Variants in SCAPER observed in about 807,000 individuals in gnomAD.
SCAPER encodes S-phase cyclin A associated protein in the ER, also known as S phase cyclin A-associated protein in the endoplasmic reticulum.
SCAPER carries 98 observed loss-of-function variants against 182.2 expected under a neutral mutation model. The ratio of observed to expected loss-of-function variants is 0.54; its 90% CI spans 0.46 to 0.64. The LOEUF is 0.64. Among genes scored for constraint, SCAPER ranks in the 30% least tolerant of loss-of-function variants. The probability of loss-of-function intolerance (pLI) is 0.00; values close to 1 mark genes in which losing one functional copy is unlikely to be tolerated. For synonymous variants in SCAPER, 605 were observed against 564.6 expected (o/e 1.07, Z -1.01); for missense variants, 1,432 against 1,690.0 (o/e 0.85, Z 2.68).
At chr15:76,866,595 G>A (rs1372812711) in intron 2 of SCAPER, among the ~76,000 whole-genome samples, 2 of 152,030 alleles carry the variant, frequency 1.3e-5, no homozygotes, top group African/African-American at 4.8e-5. Flanking sequence ...CTTACTACAA[G>A]ATCTGATTGA....
chr15:76,720,509 C>A (rs938594569), intron 17 of SCAPER, among the ~76,000 whole-genome samples: 1 of 152,206 alleles, frequency 6.6e-6, no homozygotes, highest in Non-Finnish European at 1.5e-5. Context: ...ACCACACTGA[C>A]TTCCACAATG....
chr15:76,671,701 C>T (rs1457376455), intron 20 of SCAPER, among the ~76,000 whole-genome samples: 2 of 151,218 alleles, frequency 1.3e-5, no homozygotes, highest in African/African-American at 2.4e-5. Context: ...ACCCGGGAGG[C>T]GGAGCTTGCA....
chr15:76,375,780 T>C (rs1272697983), intron 29 of SCAPER, among the ~76,000 whole-genome samples: 1 of 152,078 alleles, frequency 6.6e-6, no homozygotes, highest in Non-Finnish European at 1.5e-5. Context: ...GGTCAGGAGT[T>C]CAAGACCAGC....
chr15:76,405,413 G>C (rs1382631975), intron 26 of SCAPER, among the ~76,000 whole-genome samples: 1 of 151,932 alleles, frequency 6.6e-6, no homozygotes, highest in African/African-American at 2.4e-5. Flanking sequence ...CACCATGCCT[G>C]GCTACAACTT....
intron 17 of SCAPER, among the ~76,000 whole-genome samples, chr15:76,718,073 T>C (rs1392418843): frequency 6.6e-6 from 1 of 152,164 alleles, no homozygotes; most frequent in Non-Finnish European, 1.5e-5. Flanking sequence ...ATTGTACCTA[T>C]TGTTGTTTCA....
chr15:76,555,565 CAG>C (rs2046130687), intron 23 of SCAPER, among the ~76,000 whole-genome samples: 1 of 151,984 alleles, frequency 6.6e-6, no homozygotes, highest in African/African-American at 2.4e-5. Context: ...AAACAGAAAA[CAG>C]AAGAAAAAGC....
chr15:76,525,559 C>T (rs1451840841), intron 23 of SCAPER, among the ~76,000 whole-genome samples: 1 of 152,064 alleles, frequency 6.6e-6, no homozygotes, highest in Admixed American at 6.6e-5. Context: ...CCACTGCTTC[C>T]ATCTTTATGT....
chr15:76,481,113 T>C (rs2051101818), intron 24 of SCAPER, among the ~76,000 whole-genome samples: 1 of 152,206 alleles, frequency 6.6e-6, no homozygotes, highest in Admixed American at 6.5e-5. Flanking sequence ...CAGAGAAATA[T>C]TTTATTTTTT....
At chr15:76,356,203 A>C (rs2040952456) in intron 29 of SCAPER, among the ~76,000 whole-genome samples, 1 of 152,190 alleles carries the variant, frequency 6.6e-6, no homozygotes, top group Non-Finnish European at 1.5e-5. Flanking sequence ...GGGCTAATTC[A>C]GGTGGGCTTG....
intron 10 of SCAPER, 131 bp from the exon 11 acceptor site, chr15:76,767,219 G>T (rs1259508746): frequency 2.3e-6 from 2 of 888,404 alleles, no homozygotes; most frequent in Non-Finnish European, 3.3e-6. Context: ...AAAAGCTGGG[G>T]TTCCATACAG....
rs1300150317 is a variant in SCAPER, at chr15:76,753,906, G to A, written c.1768C>T (p.Arg590Ter). The A allele has an allele frequency of 3.1e-6, 5 of 1,612,754 alleles. No individual in the cohort carries two copies. The African/African-American group carries it at 4.0e-5, about 13-fold the overall frequency. ...RKWKEELLDQRRRMMEEKLLH... is the reference protein window; with the variant it reads ...RKWKEELLDQ ...AATTTTTCTTCCATCATCCTGCGTC[G>A]TTGATCTAGCAATTCTTCCTTCCAC... is the stretch of plus-strand genomic sequence containing the variant. The change falls in exon 15 of 32, where the codon CGA (arginine) becomes TGA (stop). Residue 590 changes from arginine (R) to a stop codon, truncating the protein, a stop_gained. Transcript: ENST00000563290. LOFTEE classifies it high-confidence loss of function.
chr15:76,398,877 T>A (rs1391845074), intron 27 of SCAPER, among the ~76,000 whole-genome samples: 1 of 152,204 alleles, frequency 6.6e-6, no homozygotes, highest in African/African-American at 2.4e-5. Context: ...CTGGCTTTGT[T>A]GCCATAGTGC....
At chr15:76,587,619 A>G (rs1450001075) in intron 22 of SCAPER, among the ~76,000 whole-genome samples, 1 of 152,116 alleles carries the variant, frequency 6.6e-6, no homozygotes, top group African/African-American at 2.4e-5. Context: ...TTGATATCCA[A>G]TTTTATTCCA....
Position 76,871,025 on chromosome 15 carries a change from T to C in SCAPER, c.7-8492A>G, listed in dbSNP as rs182010028. ...AATAAAACTGACAAGTGACATTCTA[T>C]AAGAAATAATAAATGCAAGTCAAGA... On this transcript the variant is annotated intron_variant, in intron 2 of 31. Coordinates refer to ENST00000563290, the MANE Select transcript of SCAPER (RefSeq NM_020843.4). 2.2e-3 allele frequency among the ~76,000 whole-genome samples: 336 copies of C among 152,242 alleles called. 1 individual carries two copies. The highest frequency in any genetic ancestry group is 7.8e-3 in the African/African-American group (322 of 41,534).
intron 24 of SCAPER, among the ~76,000 whole-genome samples, chr15:76,494,051 G>C (rs993378019): frequency 2.0e-5 from 3 of 152,014 alleles, no homozygotes; most frequent in African/African-American, 7.2e-5. Context: ...ATTAACAATG[G>C]ATTGTAGTAT....
intron 21 of SCAPER, among the ~76,000 whole-genome samples, chr15:76,631,395 T>C (rs2053097158): frequency 6.6e-6 from 1 of 152,200 alleles, no homozygotes; most frequent in South Asian, 2.1e-4. Flanking sequence ...CACTGGTCTG[T>C]GTATGTCAGC....
intron 23 of SCAPER, among the ~76,000 whole-genome samples, chr15:76,532,182 C>G (rs180818512): frequency 9.2e-5 from 14 of 152,246 alleles, no homozygotes; most frequent in Middle Eastern, 3.4e-3. Flanking sequence ...CCCCAAGGCA[C>G]ACATCCAGGC....
chr15:76,608,154 A>G (rs1237715374), intron 22 of SCAPER, among the ~76,000 whole-genome samples: 1 of 151,424 alleles, frequency 6.6e-6, no homozygotes, highest in Non-Finnish European at 1.5e-5. Flanking sequence ...GGTTTTATCT[A>G]CCTTTGGTCT....
chr15:76,646,413 A>C (rs2054551698), intron 21 of SCAPER, among the ~76,000 whole-genome samples: 1 of 152,212 alleles, frequency 6.6e-6, no homozygotes, highest in Non-Finnish European at 1.5e-5. Context: ...CTAATACTGC[A>C]GACAGAGGTC....
Sources: gnomAD v4.1 joint callset for allele counts (sites outside exome capture counted in the v4.1 genomes callset) on GRCh38, gnomAD v4.1.1 for gene constraint, MANE v1.5 for transcripts, NCBI Gene and HGNC (gene_info 2026-07-23, HGNC 2026-07-21) for gene names.